The following RBFOX1 variants were observed in gnomAD, a reference collection of about 807,000 sequenced individuals.
The protein encoded by RBFOX1 is RNA binding fox-1 homolog 1.
A neutral mutation model predicts 57.7 loss-of-function variants in RBFOX1; 8 were observed. The observed-to-expected ratio is 0.14, with a 90% confidence interval of 0.08 to 0.25. The LOEUF is 0.25. RBFOX1 is among the 10% of genes least tolerant of loss of function. The pLI, the probability that RBFOX1 is intolerant of heterozygous loss-of-function variation, is 1.00. For synonymous variants in RBFOX1, 326 were observed against 222.4 expected, an observed-to-expected ratio of 1.47 and a Z score of -4.15; for missense variants, 611 against 548.5, an observed-to-expected ratio of 1.11 and a Z score of -1.14.
intron 4 of RBFOX1, among the ~76,000 whole-genome samples, chr16:7,499,340 T>C (rs1474516338): frequency 6.6e-6 from 1 of 152,198 alleles, no homozygotes; most frequent in African/African-American, 2.4e-5. Flanking sequence ...CACAGTCATA[T>C]GGATTCAGAA....
intron 3 of RBFOX1, among the ~76,000 whole-genome samples, chr16:5,710,054 A>G (rs763112990): frequency 4.0e-4 from 61 of 150,794 alleles, no homozygotes; most frequent in Middle Eastern, 3.4e-3. Flanking sequence ...GTGCCCATGT[A>G]TCTTCAGCAC....
chr16:7,460,752 GAATA>G (rs1223733828), intron 4 of RBFOX1, among the ~76,000 whole-genome samples: 1 of 151,660 alleles, frequency 6.6e-6, no homozygotes, highest in African/African-American at 2.4e-5. Flanking sequence ...ATGAATGAAT[GAATA>G]GATAAATAAA....
At chr16:7,391,492 C>T (rs1295106930) in intron 4 of RBFOX1, among the ~76,000 whole-genome samples, 1 of 152,208 alleles carries the variant, frequency 6.6e-6, no homozygotes, top group African/African-American at 2.4e-5. Flanking sequence ...ATAGCTAACA[C>T]CCATGTGTGC....
intron 1 of RBFOX1, among the ~76,000 whole-genome samples, chr16:6,229,849 ACTTTT>A (rs1385398131): frequency 1.3e-5 from 2 of 151,990 alleles, no homozygotes; most frequent in African/African-American, 4.8e-5. Flanking sequence ...AAGAGTTTGG[ACTTTT>A]CTTTTGATAG....
Position 6,948,328 on chromosome 16 carries a change from A to G in RBFOX1, c.-15-103729A>G, listed in dbSNP as rs961642526. Among the ~76,000 whole-genome samples the G allele has an allele frequency of 2.6e-5, 4 of 151,416 alleles. No individual in the cohort carries two copies. The South Asian group carries it at 6.3e-4, about 24-fold the overall frequency. ...AACAAAATAAAGCCAGGTAATGGAA[A>G]CAAACTCTGACATCTTTCTGCTACA... On this transcript the variant is annotated intron_variant, in intron 3 of 15. Coordinates refer to ENST00000550418, the MANE Select transcript of RBFOX1 (RefSeq NM_018723.4).
chr16:6,760,146 AT>A (rs1286575402), intron 3 of RBFOX1, among the ~76,000 whole-genome samples: 2 of 152,194 alleles, frequency 1.3e-5, no homozygotes, highest in Non-Finnish European at 2.9e-5. Flanking sequence ...AGAAAAAAAA[AT>A]GTACGTACAC....
At chr16:6,883,030 A>G (rs1456282656) in intron 3 of RBFOX1, among the ~76,000 whole-genome samples, 2 of 152,194 alleles carry the variant, frequency 1.3e-5, no homozygotes, top group Non-Finnish European at 2.9e-5. Flanking sequence ...ATTCTAGATA[A>G]CCCATATGTC....
intron 3 of RBFOX1, among the ~76,000 whole-genome samples, chr16:5,739,411 G>A (rs1002381244): frequency 2.0e-5 from 3 of 152,208 alleles, no homozygotes; most frequent in Admixed American, 1.3e-4. Flanking sequence ...TGGCACTTGT[G>A]TCTGGTAGGG....
intron 2 of RBFOX1, among the ~76,000 whole-genome samples, chr16:6,416,514 A>G (rs545300257): frequency 6.6e-6 from 1 of 151,650 alleles, no homozygotes; most frequent in Non-Finnish European, 1.5e-5. Context: ...TTTTTTACTG[A>G]AAGAGATTGT....
At chr16:5,821,795 C>T (rs941680691) in intron 3 of RBFOX1, among the ~76,000 whole-genome samples, 14 of 152,152 alleles carry the variant, frequency 9.2e-5, no homozygotes, top group African/African-American at 3.4e-4. Context: ...GCCCTCTTAG[C>T]ATCCAGGATG....
chr16:7,058,110 C>A (rs543026577), intron 4 of RBFOX1, among the ~76,000 whole-genome samples: 1 of 151,894 alleles, frequency 6.6e-6, no homozygotes, highest in Non-Finnish European at 1.5e-5. Context: ...ACATGTGCTA[C>A]CACCAACTGC....
At chr16:7,435,134 T>A (rs935240357) in intron 4 of RBFOX1, among the ~76,000 whole-genome samples, 4 of 152,200 alleles carry the variant, frequency 2.6e-5, no homozygotes, top group Non-Finnish European at 4.4e-5. Flanking sequence ...AGTTTTTACC[T>A]CGTTCTTTTC....
intron 4 of RBFOX1, among the ~76,000 whole-genome samples, chr16:7,384,981 C>G (rs1165736374): frequency 6.6e-6 from 1 of 152,152 alleles, no homozygotes; most frequent in Non-Finnish European, 1.5e-5. Context: ...GACATTTAAG[C>G]TGAGCTCGCA....
At chr16:7,305,820 G>A (rs186293231) in intron 4 of RBFOX1, among the ~76,000 whole-genome samples, 17 of 152,154 alleles carry the variant, frequency 1.1e-4, no homozygotes, top group East Asian at 7.7e-4. Flanking sequence ...ATTTTATTAC[G>A]TTCATTATTG....
At chr16:6,330,403 G>C (rs2082873577) in intron 2 of RBFOX1, among the ~76,000 whole-genome samples, 1 of 152,174 alleles carries the variant, frequency 6.6e-6, no homozygotes, top group African/African-American at 2.4e-5. Context: ...TGAGCTCAAA[G>C]TCACTGATGA....
chr16:6,212,417 T>C (rs570191875), intron 1 of RBFOX1, among the ~76,000 whole-genome samples: 4 of 151,192 alleles, frequency 2.6e-5, no homozygotes, highest in South Asian at 2.1e-4. Flanking sequence ...ATAAAGCATA[T>C]ATCCACGGCT....
At chr16:5,962,319 C>T (rs1259358094) in intron 4 of RBFOX1, among the ~76,000 whole-genome samples, 2 of 152,180 alleles carry the variant, frequency 1.3e-5, no homozygotes, top group African/African-American at 4.8e-5. Flanking sequence ...CTCATCCTGA[C>T]CCTGTACTGC....
At chr16:6,873,803 G>A (rs1312645281) in intron 3 of RBFOX1, 5 of 152,056 alleles carry the variant, frequency 3.3e-5, no homozygotes. Flanking sequence ...CTTTATTATT[G>A]CCATTTTCCA....
intron 4 of RBFOX1, among the ~76,000 whole-genome samples, chr16:7,074,452 A>G (rs1346731085): frequency 6.6e-6 from 1 of 152,230 alleles, no homozygotes. Context: ...AGTATCTGAA[A>G]TGTAAACATC....
Sources: allele counts gnomAD v4.1 joint callset (sites outside exome capture counted in the v4.1 genomes callset), GRCh38; gene constraint gnomAD v4.1.1; transcripts MANE v1.5; gene names NCBI Gene and HGNC (gene_info 2026-07-23, HGNC 2026-07-21).